Variants in INPP5B observed in about 807,000 individuals in gnomAD.
INPP5B encodes the protein inositol polyphosphate-5-phosphatase B.
INPP5B carries 90 observed loss-of-function variants against 118.5 expected under a neutral mutation model. That is an observed-to-expected ratio of 0.76 (90% confidence interval 0.64 to 0.90). The LOEUF is 0.90. INPP5B is among the 40% of genes least tolerant of loss of function. The pLI is 0.00. For synonymous variants in INPP5B, 385 were observed against 418.9 expected, an observed-to-expected ratio of 0.92 and a Z score of 0.99; for missense variants, 984 against 1,125.6, an observed-to-expected ratio of 0.87 and a Z score of 1.80.
At chr1:37,892,381 A>G (rs1248348082) in intron 7 of INPP5B, among the ~76,000 whole-genome samples, 1 of 152,260 alleles carries the variant, frequency 6.6e-6, no homozygotes, top group Non-Finnish European at 1.5e-5. Context: ...CCAAGGGCCC[A>G]ACCCAGAAAT....
intron 7 of INPP5B, among the ~76,000 whole-genome samples, chr1:37,915,885 A>G (rs1162995310): frequency 2.6e-5 from 4 of 152,206 alleles, no homozygotes; most frequent in African/African-American, 9.6e-5. Flanking sequence ...CCTCATGTGA[A>G]TAAGATAACA....
intron 7 of INPP5B, among the ~76,000 whole-genome samples, chr1:37,928,042 C>T (rs1645304198): frequency 6.6e-6 from 1 of 152,174 alleles, no homozygotes; most frequent in Admixed American, 6.6e-5. Context: ...TTGGCTCACG[C>T]TACAAGGAAC....
intron 7 of INPP5B, among the ~76,000 whole-genome samples, chr1:37,927,596 G>A (rs1456873680): frequency 6.6e-6 from 1 of 151,068 alleles, no homozygotes; most frequent in Admixed American, 6.6e-5. Context: ...GAGTCCAGTG[G>A]CGCAATCTCA....
intron 12 of INPP5B, 67 bp from the exon 13 acceptor site, chr1:37,885,892 C>G: frequency 6.7e-7 from 1 of 1,500,082 alleles, no homozygotes. Flanking sequence ...AACCTACAAA[C>G]TTTCTGGCCG....
At chr1:37,935,952 G>A (rs1645671607) in intron 6 of INPP5B, among the ~76,000 whole-genome samples, 1 of 152,080 alleles carries the variant, frequency 6.6e-6, no homozygotes, top group Non-Finnish European at 1.5e-5. Context: ...TGTAGTCCCA[G>A]CTACTCGGGA....
rs551068953 is a variant in INPP5B at position 37,946,077 on chromosome 1, G to A, written c.57+175C>T. Among the ~76,000 whole-genome samples the A allele has an allele frequency of 2.4e-4, 36 of 152,330 alleles. No individual in the cohort carries two copies. The South Asian group carries it at 2.5e-3, about 11-fold the overall frequency. Reference sequence around the variant, plus strand: ...CATAGGGAGTTAGGAGGATAACTGCGTATTTAAAGCATTTGGCTGAGAGTC... The same window carrying A: ...CATAGGGAGTTAGGAGGATAACTGCATATTTAAAGCATTTGGCTGAGAGTC... On this transcript the variant is annotated intron_variant, in intron 2 of 23. Coordinates refer to ENST00000373024, the MANE Select transcript of INPP5B (RefSeq NM_005540.3).
intron 7 of INPP5B, among the ~76,000 whole-genome samples, chr1:37,892,382 AC>A (rs1643874485): frequency 6.6e-6 from 1 of 152,220 alleles, no homozygotes; most frequent in Non-Finnish European, 1.5e-5. Context: ...CAAGGGCCCA[AC>A]CCAGAAATAT....
chr1:37,912,968 G>A (rs1003877458), intron 7 of INPP5B, among the ~76,000 whole-genome samples: 1 of 151,760 alleles, frequency 6.6e-6, no homozygotes, highest in South Asian at 2.1e-4. Flanking sequence ...AAAAAAAGGG[G>A]GACTCTGGGC....
In INPP5B at chr1:37,889,630, C is replaced by T; in HGVS notation, c.724G>A (p.Gly242Arg). 6.2e-7 allele frequency: 1 copy of T among 1,613,712 alleles called. No homozygotes were observed. The highest frequency in any genetic ancestry group is 8.5e-7 in the Non-Finnish European group (1 of 1,179,676). Reference protein sequence around the residue: ...KAHILSMQKFGLRDTIVKSHL... With the variant: ...KAHILSMQKFRLRDTIVKSHL... ...GATTTCACAATTGTATCTCGCAGTC[C>T]AAACTTCTGCATGGATAAAATATGA... Residue 242 changes from glycine to arginine, a missense_variant, in exon 9 of 24, where the codon GGA (glycine) becomes AGA (arginine). Coordinates refer to ENST00000373024, the MANE Select transcript of INPP5B (RefSeq NM_005540.3).
intron 10 of INPP5B, 66 bp downstream of exon 10, chr1:37,888,177 A>G (rs1003873399): frequency 2.1e-6 from 2 of 961,962 alleles, no homozygotes; most frequent in African/African-American, 1.7e-5. Context: ...TGTTGTGAAG[A>G]CCCATCCTTC....
intron 14 of INPP5B, among the ~76,000 whole-genome samples, chr1:37,882,201 T>G (rs1278591108): frequency 2.0e-5 from 3 of 152,144 alleles, no homozygotes; most frequent in African/African-American, 7.2e-5. Flanking sequence ...ACTTTAACAT[T>G]CTGAACAACC....
chr1:37,863,871 G>C (rs1641863905), intron 23 of INPP5B, among the ~76,000 whole-genome samples: 1 of 148,894 alleles, frequency 6.7e-6, no homozygotes, highest in Non-Finnish European at 1.5e-5. Flanking sequence ...CTGGAGTGCA[G>C]TGGTGCGGTC....
Position 37,903,218 on chromosome 1 carries a change from C to A in INPP5B, c.533-11764G>T, listed in dbSNP as rs535502437. On this transcript the variant is annotated intron_variant, in intron 7 of 23. Transcript: ENST00000373024. The stretch of plus-strand genomic sequence containing the variant: ...CGGCACAAGGCACAGGTCATAAAGA[C>A]CTTGCTGATAAAACAGGCTGCAGTA... 1.4e-3 allele frequency among the ~76,000 whole-genome samples: 217 copies of A among 152,220 alleles called. 1 individual carries two copies. The highest frequency in any genetic ancestry group is 5.0e-3 in the African/African-American group (209 of 41,528).
intron 22 of INPP5B, among the ~76,000 whole-genome samples, chr1:37,865,079 C>T (rs1416669522): frequency 6.6e-6 from 1 of 151,876 alleles, no homozygotes; most frequent in East Asian, 1.9e-4. Flanking sequence ...CCCAGCTACT[C>T]AGGAGGCTGG....
intron 6 of INPP5B, among the ~76,000 whole-genome samples, chr1:37,935,626 G>T (rs978054639): frequency 1.3e-5 from 2 of 151,948 alleles, no homozygotes; most frequent in Non-Finnish European, 2.9e-5. Context: ...CATCACCAGG[G>T]CTCTCCCAGG....
chr1:37,891,667 G>A (rs756362218), intron 7 of INPP5B, among the ~76,000 whole-genome samples: 4 of 151,714 alleles, frequency 2.6e-5, no homozygotes, highest in South Asian at 4.2e-4. Flanking sequence ...CCAATTACTC[G>A]GGAGGCTGAG....
chr1:37,931,444 T>A (rs1645453630), intron 7 of INPP5B: 1 of 1,527,004 alleles, frequency 6.5e-7, no homozygotes, highest in African/African-American at 1.4e-5. Context: ...AACCCCAGCC[T>A]CCGGATTCCC....
intron 7 of INPP5B, among the ~76,000 whole-genome samples, chr1:37,904,652 C>A (rs573911067): frequency 6.6e-6 from 1 of 152,006 alleles, no homozygotes; most frequent in African/African-American, 2.4e-5. Context: ...CCGAGGTGGG[C>A]GGATCACCTG....
chr1:37,875,100 T>C (rs1642705340), intron 17 of INPP5B, among the ~76,000 whole-genome samples: 1 of 152,204 alleles, frequency 6.6e-6, no homozygotes, highest in South Asian at 2.1e-4. Context: ...GAATAGGACA[T>C]GATGACCTAA....
Sources: allele counts gnomAD v4.1 joint callset (sites outside exome capture counted in the v4.1 genomes callset), GRCh38; gene constraint gnomAD v4.1.1; transcripts MANE v1.5; gene names NCBI Gene and HGNC (gene_info 2026-07-23, HGNC 2026-07-21).